ARL15: variants seen among roughly 807,000 people sequenced by gnomAD.
ARL15 encodes ADP-ribosylation factor-like protein 15.
Under a neutral mutation model 25.2 loss-of-function variants are expected in ARL15, and 19 were observed. The observed-to-expected ratio is 0.75, with a 90% CI of 0.53 to 1.10. The LOEUF is 1.10. ARL15 is among the 50% of genes least tolerant of loss of function. The pLI, the probability that ARL15 is intolerant of heterozygous loss-of-function variation, is 0.00. For synonymous variants in ARL15, 94 were observed against 86.8 expected, an observed-to-expected ratio of 1.08 and a Z score of -0.46; for missense variants, 220 against 246.0, an observed-to-expected ratio of 0.89 and a Z score of 0.71.
At chr5:53,988,369 T>G (rs1193073773) in intron 4 of ARL15, among the ~76,000 whole-genome samples, 1 of 151,098 alleles carries the variant, frequency 6.6e-6, no homozygotes, top group Non-Finnish European at 1.5e-5. Flanking sequence ...AACTTTATAG[T>G]TGAAAAAAAC....
chr5:54,090,693 G>C (rs1479316530), intron 4 of ARL15, among the ~76,000 whole-genome samples: 1 of 152,112 alleles, frequency 6.6e-6, no homozygotes, highest in Non-Finnish European at 1.5e-5. Context: ...AGAAGGAAAG[G>C]AGGAGGGAGA....
At chr5:54,218,196 C>T (rs747613837) in intron 1 of ARL15, among the ~76,000 whole-genome samples, 6 of 152,140 alleles carry the variant, frequency 3.9e-5, no homozygotes, top group Non-Finnish European at 8.8e-5. Context: ...AGATTGGCCA[C>T]GGTTTTACCT....
chr5:53,918,281 G>A (rs1003847334), intron 4 of ARL15, among the ~76,000 whole-genome samples: 12 of 152,254 alleles, frequency 7.9e-5, no homozygotes, highest in East Asian at 7.7e-4. Flanking sequence ...GACATCCTGC[G>A]CTGAAGCAAT....
chr5:54,259,077 C>T (rs1245733494), intron 1 of ARL15, among the ~76,000 whole-genome samples: 1 of 152,128 alleles, frequency 6.6e-6, no homozygotes, highest in Admixed American at 6.5e-5. Context: ...GACAGAGAGG[C>T]CTACGTTGAA....
At position 53,951,259 on chromosome 5, in the gene ARL15, T is replaced by G. The variant is rs141025082; in HGVS notation, c.463-64546A>C. Among the ~76,000 whole-genome samples the G allele has an allele frequency of 2.0e-3, 306 of 152,264 alleles. 1 individual carries two copies. The highest frequency in any genetic ancestry group is 7.0e-3 in the African/African-American group (290 of 41,552). ...ACAATCTGACCCTTTAGAGAAAAGG[T>G]TTGCAGACCATGAGCTTGATCAGAA... On this transcript the variant is annotated intron_variant, in intron 4 of 4. Transcript: ENST00000504924.
intron 1 of ARL15, among the ~76,000 whole-genome samples, chr5:54,218,906 G>A (rs1756294183): frequency 6.6e-6 from 1 of 151,802 alleles, no homozygotes; most frequent in African/African-American, 2.4e-5. Context: ...CATGGATGCT[G>A]CATCCCATTA....
chr5:54,158,731 G>T (rs1754314234), intron 2 of ARL15, among the ~76,000 whole-genome samples: 1 of 152,136 alleles, frequency 6.6e-6, no homozygotes. Flanking sequence ...AAATTAGCTG[G>T]GCGTGGTGGC....
chr5:53,957,019 G>C (rs1208659667), intron 4 of ARL15, among the ~76,000 whole-genome samples: 11 of 146,704 alleles, frequency 7.5e-5, no homozygotes, highest in African/African-American at 2.5e-4. Context: ...AGAAGAGAAA[G>C]AAAAAAAATG....
At chr5:54,243,282 C>T (rs1334663157) in intron 1 of ARL15, among the ~76,000 whole-genome samples, 3 of 152,116 alleles carry the variant, frequency 2.0e-5, no homozygotes, top group Non-Finnish European at 4.4e-5. Context: ...TGCTGCTAAA[C>T]CTTGATTACA....
chr5:53,907,080 T>A (rs966723020), intron 4 of ARL15, among the ~76,000 whole-genome samples: 1 of 152,124 alleles, frequency 6.6e-6, no homozygotes, highest in Non-Finnish European at 1.5e-5. Context: ...TAAGTTTCCA[T>A]GCAAGGATGG....
At chr5:53,989,304 C>T (rs1041372438) in intron 4 of ARL15, among the ~76,000 whole-genome samples, 2 of 152,102 alleles carry the variant, frequency 1.3e-5, no homozygotes, top group African/African-American at 4.8e-5. Flanking sequence ...CAATGTTATT[C>T]TATGATCGTG....
At chr5:54,253,517 C>G (rs1051117697) in intron 1 of ARL15, among the ~76,000 whole-genome samples, 1 of 152,146 alleles carries the variant, frequency 6.6e-6, no homozygotes, top group Non-Finnish European at 1.5e-5. Flanking sequence ...GGGTTCCCTG[C>G]CAAGCCTCAA....
intron 3 of ARL15, among the ~76,000 whole-genome samples, chr5:54,147,609 C>G (rs1753948510): frequency 6.6e-6 from 1 of 152,202 alleles, no homozygotes; most frequent in Non-Finnish European, 1.5e-5. Context: ...ATTCTATGGA[C>G]ATGGTCTTCC....
chr5:54,124,459 T>C (rs1033399010), intron 3 of ARL15, among the ~76,000 whole-genome samples: 4 of 152,072 alleles, frequency 2.6e-5, no homozygotes, highest in African/African-American at 7.2e-5. Context: ...CAGAAAAAAA[T>C]AGCAAAGAAA....
intron 4 of ARL15, among the ~76,000 whole-genome samples, chr5:54,022,368 C>A (rs1166209508): frequency 6.6e-6 from 1 of 151,906 alleles, no homozygotes; most frequent in Non-Finnish European, 1.5e-5. Flanking sequence ...ATCTCTTGCC[C>A]CTCTTTCCCT....
intron 1 of ARL15, among the ~76,000 whole-genome samples, chr5:54,222,955 G>C (rs1333535049): frequency 6.6e-6 from 1 of 150,582 alleles, no homozygotes; most frequent in Non-Finnish European, 1.5e-5. Context: ...GAGCAGCCAG[G>C]ACTACAGGCA....
chr5:54,237,071 T>C (rs2112567219), intron 1 of ARL15, among the ~76,000 whole-genome samples: 1 of 152,380 alleles, frequency 6.6e-6, no homozygotes, highest in East Asian at 1.9e-4. Flanking sequence ...TCTTGAATTG[T>C]AGCTCCCATA....
chr5:54,298,877 T>C (rs1758538721), intron 1 of ARL15, among the ~76,000 whole-genome samples: 2 of 136,786 alleles, frequency 1.5e-5, no homozygotes, highest in African/African-American at 2.8e-5. Flanking sequence ...TCTTTCTGGT[T>C]GCTGTTGGTT....
chr5:54,199,076 G>A (rs1755639056), intron 1 of ARL15, among the ~76,000 whole-genome samples: 2 of 151,932 alleles, frequency 1.3e-5, no homozygotes, highest in South Asian at 4.2e-4. Flanking sequence ...AATGGTGCTG[G>A]GAAAACTGGC....
Sources: allele counts gnomAD v4.1 joint callset (sites outside exome capture counted in the v4.1 genomes callset), GRCh38; gene constraint gnomAD v4.1.1; transcripts MANE v1.5; gene names NCBI Gene and HGNC (gene_info 2026-07-23, HGNC 2026-07-21).